LRRC42: variants seen among roughly 807,000 people sequenced by gnomAD.
The protein encoded by LRRC42 is leucine-rich repeat-containing protein 42.
LRRC42 carries 43 observed loss-of-function variants against 44.3 expected under a neutral mutation model. The ratio of observed to expected loss-of-function variants is 0.97; its 90% CI spans 0.76 to 1.25. The LOEUF is 1.25. Ranked by LOEUF, LRRC42 falls within the 50% of genes most tolerant of loss-of-function variation. The pLI is 0.00. For synonymous variants in LRRC42, 207 were observed against 195.2 expected (o/e 1.06, Z -0.50); for missense variants, 540 against 509.1 (o/e 1.06, Z -0.58).
chr1:53,958,869 A>C (rs959062199), intron 4 of LRRC42, among the ~76,000 whole-genome samples: 1 of 151,226 alleles, frequency 6.6e-6, no homozygotes, highest in African/African-American at 2.4e-5. Flanking sequence ...TACAGGCGTC[A>C]GCCACTGCGC....
At chr1:53,951,682 C>T (rs1654685470) in intron 2 of LRRC42, among the ~76,000 whole-genome samples, 1 of 152,200 alleles carries the variant, frequency 6.6e-6, no homozygotes. Flanking sequence ...GCCTCGGCCT[C>T]CCAAAGTGCT....
chr1:53,962,992 G>C (rs1285616548), intron 7 of LRRC42, among the ~76,000 whole-genome samples: 1 of 152,100 alleles, frequency 6.6e-6, no homozygotes, highest in South Asian at 2.1e-4. Flanking sequence ...AGTCTTCTAT[G>C]TAAGTTGGAA....
chr1:53,947,587 C>G (rs1386608270), intron 1 of LRRC42, among the ~76,000 whole-genome samples: 2 of 152,212 alleles, frequency 1.3e-5, no homozygotes, highest in East Asian at 3.9e-4. Flanking sequence ...CCAAAAGTGT[C>G]TGCAGCCTTG....
intron 8 of LRRC42, among the ~76,000 whole-genome samples, chr1:53,966,929 CG>C (rs1239627853): frequency 6.6e-6 from 1 of 151,634 alleles, no homozygotes; most frequent in Admixed American, 6.6e-5. Context: ...ACTAGGGAGG[CG>C]GGGGTGGCAC....
rs564189828 is a variant in LRRC42 at position 53,958,191 on chromosome 1, C to T, written c.516C>T (p.Phe172=). Residue 172 remains phenylalanine, a synonymous_variant, in exon 4 of 9, where the codon TTC becomes TTT. Transcript: ENST00000371370. ...ISEKLEEIKS[F]RELTCLDLSC... is the part of the protein sequence containing the mutation. ...AAAAGCTTGAGGAGATTAAGTCTTT[C>T]CGGGAGCTGACCTGCCTGGATCTTT... The T allele has an allele frequency of 1.1e-5, 17 of 1,613,900 alleles. No homozygotes were observed. The highest frequency in any genetic ancestry group is 1.4e-5 in the Non-Finnish European group (16 of 1,179,858).
In LRRC42 at chr1:53,958,213, C is replaced by A; in HGVS notation, c.538C>A (p.Leu180Ile). The change falls in exon 4 of 9, where the codon CTT (leucine) becomes ATT (isoleucine). Residue 180 changes from leucine (L) to isoleucine (I), a missense_variant. Coordinates refer to ENST00000371370, the MANE Select transcript of LRRC42 (RefSeq NM_001256409.2). ...KSFRELTCLD[L>I]SCCKLGDEHE... Reference sequence around the variant, plus strand: ...TTTCCGGGAGCTGACCTGCCTGGATCTTTCCTGTTGCAAGCTTGGAGATGA... The same window carrying A: ...TTTCCGGGAGCTGACCTGCCTGGATATTTCCTGTTGCAAGCTTGGAGATGA... The A allele has an allele frequency of 1.2e-6, 2 of 1,613,932 alleles. No homozygotes were observed. The highest frequency in any genetic ancestry group is 8.5e-7 in the Non-Finnish European group (1 of 1,179,856).
chr1:53,960,353 T>C lies in LRRC42; in HGVS notation c.606-3T>C. On this transcript the variant is annotated splice_polypyrimidine_tract_variant and splice_region_variant and intron_variant, in intron 4 of 8. Coordinates refer to ENST00000371370, the MANE Select transcript of LRRC42 (RefSeq NM_001256409.2). ...AATTTATGTATGTACTTTGTTTCCC[T>C]AGTGTAACTCAGCTCCACCTGAAGG... 3 of 1,601,488 alleles carry C rather than the reference T, an allele frequency of 1.9e-6. No individual in the cohort carries two copies. The highest frequency in any genetic ancestry group is 2.6e-6 in the Non-Finnish European group (3 of 1,173,256).
intron 7 of LRRC42, 74 bp from the exon 8 acceptor site, chr1:53,966,222 G>C (rs574256788): frequency 8.2e-7 from 1 of 1,221,498 alleles, no homozygotes. Context: ...GAGGGAAAAA[G>C]GGGGAACAAG....
At chr1:53,961,073 C>T (rs1654980828) in intron 5 of LRRC42, among the ~76,000 whole-genome samples, 1 of 152,212 alleles carries the variant, frequency 6.6e-6, no homozygotes, top group Non-Finnish European at 1.5e-5. Context: ...AGTTATTTAA[C>T]CACTTTGAGC....
Position 53,962,317 on chromosome 1 carries a change from A to T in LRRC42, c.835A>T (p.Lys279Ter), listed in dbSNP as rs774768933. 7 of 1,614,040 alleles carry T rather than the reference A, an allele frequency of 4.3e-6. No individual in the cohort carries two copies. Among genetic ancestry groups the T allele is most frequent in the Non-Finnish European group, 5.9e-6 (7 of 1,179,866 alleles). The part of the protein sequence containing the change: ...GLKDIKTVKH[K>*]LQTHIGLVHS... ...CTAGGACATCAAAACCGTCAAGCAC[A>T]AGCTCCAGACCCACATAGGCCTTGT... Residue 279 changes from lysine to a stop codon, truncating the protein, a stop_gained, in exon 7 of 9, where the codon AAG becomes TAG. Coordinates refer to ENST00000371370, the MANE Select transcript of LRRC42 (RefSeq NM_001256409.2). LOFTEE classifies it high-confidence loss of function.
At chr1:53,960,102 TTGCAGGGATGGGGTCTCTAACTCC>T (rs1195760058) in intron 4 of LRRC42, among the ~76,000 whole-genome samples, 1 of 151,982 alleles carries the variant, frequency 6.6e-6, no homozygotes, top group Non-Finnish European at 1.5e-5. Flanking sequence ...TTAAAATTTC[TTGCAGGGATGGGGTCTCTAACTCC>T]TGGGCCCAAG....
intron 2 of LRRC42, among the ~76,000 whole-genome samples, chr1:53,950,342 A>G (rs972782789): frequency 6.6e-6 from 1 of 152,234 alleles, no homozygotes; most frequent in African/African-American, 2.4e-5. Flanking sequence ...ACATAAGGAG[A>G]TGAGCAGGAA....
intron 2 of LRRC42, among the ~76,000 whole-genome samples, chr1:53,950,967 G>A (rs1654658558): frequency 6.6e-6 from 1 of 152,202 alleles, no homozygotes. Flanking sequence ...TTTAGCAAAC[G>A]AGTAAATGTT....
Position 53,958,164 on chromosome 1 carries a change from A to C in LRRC42, c.489A>C (p.Ser163=). ...CGCTCCGTAGGTATCTCGTGATTTCAGAAAAGCTTGAGGAGATTAAGTCTT... is the reference window on the plus strand; with the variant it reads ...CGCTCCGTAGGTATCTCGTGATTTCCGAAAAGCTTGAGGAGATTAAGTCTT... ...LCLRNRYLVI[S]EKLEEIKSFR... is the part of the protein sequence containing the mutation. Residue 163 remains serine (S), a synonymous_variant, in exon 4 of 9, where the codon TCA becomes TCC. Transcript: ENST00000371370. 2.5e-6 allele frequency: 4 copies of C among 1,613,854 alleles called. No individual in the cohort carries two copies. Among genetic ancestry groups the C allele is most frequent in the Non-Finnish European group, 3.4e-6 (4 of 1,179,828 alleles).
chr1:53,960,660 G>C (rs1257282311), intron 5 of LRRC42, among the ~76,000 whole-genome samples, 186 bp downstream of exon 5: 1 of 152,128 alleles, frequency 6.6e-6, no homozygotes, highest in Non-Finnish European at 1.5e-5. Flanking sequence ...GATTTTTCTA[G>C]CACATACCAC....
At chr1:53,952,758 A>G (rs1444346293) in intron 3 of LRRC42, among the ~76,000 whole-genome samples, 2 of 152,238 alleles carry the variant, frequency 1.3e-5, no homozygotes, top group Non-Finnish European at 2.9e-5. Context: ...AATAGAAAAG[A>G]CAAAATGTGA....
At chr1:53,959,031 C>T (rs1252156460) in intron 4 of LRRC42, among the ~76,000 whole-genome samples, 3 of 152,070 alleles carry the variant, frequency 2.0e-5, no homozygotes, top group Non-Finnish European at 2.9e-5. Flanking sequence ...TTATAGGCGC[C>T]CCCCACCACG....
chr1:53,948,537 T>C (rs2100914529), intron 2 of LRRC42, among the ~76,000 whole-genome samples: 1 of 152,350 alleles, frequency 6.6e-6, no homozygotes, highest in South Asian at 2.1e-4. Flanking sequence ...TTCTATGCTG[T>C]CGTATGGGTT....
chr1:53,951,909 T>C, intron 2 of LRRC42, 77 bp from the exon 3 acceptor site: 1 of 1,183,328 alleles, frequency 8.5e-7, no homozygotes, highest in Non-Finnish European at 1.2e-6. Flanking sequence ...CATAAAGCCC[T>C]GGGCACAGCA....
Sources: gnomAD v4.1 joint callset for allele counts (sites outside exome capture counted in the v4.1 genomes callset) on GRCh38, gnomAD v4.1.1 for gene constraint, MANE v1.5 for transcripts, NCBI Gene and HGNC (gene_info 2026-07-23, HGNC 2026-07-21) for gene names.